Variants in SH3GL2 observed in about 807,000 individuals in gnomAD.
SH3GL2 encodes endophilin-A1.
Under a neutral mutation model 46.0 loss-of-function variants are expected in SH3GL2, and 24 were observed. The ratio of observed to expected loss-of-function variants is 0.52; its 90% CI spans 0.38 to 0.73. SH3GL2 has a LOEUF of 0.73. Among genes scored for constraint, SH3GL2 ranks in the 30% least tolerant of loss-of-function variants. The probability of loss-of-function intolerance (pLI) is 0.00; values close to 1 mark genes in which losing one functional copy is unlikely to be tolerated. For missense variants in SH3GL2, 413 were observed against 424.2 expected (o/e 0.97, Z 0.23); for synonymous variants, 196 against 147.1 (o/e 1.33, Z -2.40).
At chr9:17,711,258 A>G (rs991502710) in intron 1 of SH3GL2, among the ~76,000 whole-genome samples, 2 of 151,924 alleles carry the variant, frequency 1.3e-5, no homozygotes, top group East Asian at 1.9e-4. Context: ...AATATATGAC[A>G]TATTAATCTT....
chr9:17,768,370 C>T (rs374662984), intron 3 of SH3GL2, among the ~76,000 whole-genome samples: 1 of 67,224 alleles, frequency 1.5e-5, no homozygotes. Flanking sequence ...GACTCTGTCT[C>T]AAAAAAAAAA....
chr9:17,721,950 G>A (rs575998825), intron 1 of SH3GL2, among the ~76,000 whole-genome samples: 1 of 152,242 alleles, frequency 6.6e-6, no homozygotes, highest in African/African-American at 2.4e-5. Context: ...CAGTGGAGGT[G>A]TCCGCAGTGA....
chr9:17,642,016 A>C (rs1030039796), intron 1 of SH3GL2, among the ~76,000 whole-genome samples: 1 of 152,140 alleles, frequency 6.6e-6, no homozygotes, highest in East Asian at 1.9e-4. Context: ...GAATCACCAC[A>C]CTGTCTTGCC....
Position 17,787,494 on chromosome 9 carries a change from A to G in SH3GL2, c.446A>G (p.Lys149Arg). 9 of 1,613,040 alleles carry G rather than the reference A, an allele frequency of 5.6e-6. No individual in the cohort carries two copies. Among genetic ancestry groups the G allele is most frequent in the Middle Eastern group, 1.7e-4 (1 of 6,056 alleles). ...GACCCTCTTCAGAATCTTCATGACAAAGATCTTAGGGAAATTCAAGTATGT... is the reference window on the plus strand; with the variant it reads ...GACCCTCTTCAGAATCTTCATGACAGAGATCTTAGGGAAATTCAAGTATGT... Reference protein sequence around the residue: ...FIDPLQNLHDKDLREIQHHLK... With the variant: ...FIDPLQNLHDRDLREIQHHLK... Residue 149 changes from lysine to arginine, a missense_variant, in exon 5 of 9, where the codon AAA becomes AGA. Transcript: ENST00000380607.
chr9:17,709,185 G>A (rs1821554191), intron 1 of SH3GL2, among the ~76,000 whole-genome samples: 1 of 151,900 alleles, frequency 6.6e-6, no homozygotes, highest in Non-Finnish European at 1.5e-5. Flanking sequence ...TTGCTTATTT[G>A]GGGACCATGA....
At chr9:17,594,535 G>T (rs778608812) in intron 1 of SH3GL2, among the ~76,000 whole-genome samples, 2 of 152,042 alleles carry the variant, frequency 1.3e-5, no homozygotes, top group Non-Finnish European at 2.9e-5. Context: ...TGCATGTGGG[G>T]CTTAAAATCT....
intron 1 of SH3GL2, among the ~76,000 whole-genome samples, chr9:17,655,835 T>C (rs116564820): frequency 6.0e-4 from 92 of 152,320 alleles, no homozygotes; most frequent in African/African-American, 2.1e-3. Flanking sequence ...CATGCTTGCC[T>C]TCATCTGGAA....
At chr9:17,790,794 C>A (rs749912520) in intron 6 of SH3GL2, among the ~76,000 whole-genome samples, 1 of 152,112 alleles carries the variant, frequency 6.6e-6, no homozygotes, top group Non-Finnish European at 1.5e-5. Flanking sequence ...GTCGCCTCTC[C>A]GGGTACATTA....
intron 1 of SH3GL2, 130 bp from the exon 2 acceptor site, chr9:17,746,922 GCTATAAAAATGAGA>G (rs1332685771): frequency 5.3e-5 from 32 of 604,418 alleles, no homozygotes; most frequent in Non-Finnish European, 8.7e-5. Flanking sequence ...ACAGTTTGCT[GCTATAAAAATGAGA>G]CTCTCCACCT....
chr9:17,768,719 C>G (rs1052782381), intron 3 of SH3GL2, among the ~76,000 whole-genome samples: 3 of 152,164 alleles, frequency 2.0e-5, no homozygotes, highest in African/African-American at 7.2e-5. Flanking sequence ...TCTTCGACAA[C>G]TGTCTTCTCA....
At chr9:17,733,042 C>T (rs144359715) in intron 1 of SH3GL2, among the ~76,000 whole-genome samples, 8 of 152,218 alleles carry the variant, frequency 5.3e-5, no homozygotes, top group African/African-American at 1.4e-4. Context: ...CTTCCCCACT[C>T]TTCAGCACAA....
intron 1 of SH3GL2, among the ~76,000 whole-genome samples, chr9:17,634,263 A>G (rs1819495822): frequency 6.6e-6 from 1 of 152,200 alleles, no homozygotes; most frequent in Non-Finnish European, 1.5e-5. Flanking sequence ...TACATATGAT[A>G]CATCTTCTTG....
In SH3GL2 at chr9:17,731,405, G is replaced by A. The variant is rs555028018; in HGVS notation, c.46-15661G>A. ...AAGAGGAAGAGGAAAAGGGAGGGAGGTGGGGGGAGGTAGGGAAGAGAGAGA... is the reference window on the plus strand; with the variant it reads ...AAGAGGAAGAGGAAAAGGGAGGGAGATGGGGGGAGGTAGGGAAGAGAGAGA... On this transcript the variant is annotated intron_variant, in intron 1 of 8. Transcript: ENST00000380607. Among the ~76,000 whole-genome samples, 6 of 151,604 alleles carry A rather than the reference G, an allele frequency of 4.0e-5. No homozygotes were observed. The South Asian group carries it at 1.3e-3, about 32-fold the overall frequency.
At chr9:17,738,852 T>C (rs77982601) in intron 1 of SH3GL2, among the ~76,000 whole-genome samples, 3,930 of 152,008 alleles carry the variant, frequency 0.026, 171 homozygotes, top group African/African-American at 0.088. Context: ...ATTGATTGGA[T>C]GAGGCCCACC....
At position 17,637,864 on chromosome 9, in the gene SH3GL2, A is replaced by G. The variant is rs75281722; in HGVS notation, c.45+58577A>G. Among the ~76,000 whole-genome samples, 17 of 152,248 alleles carry G rather than the reference A, an allele frequency of 1.1e-4. No homozygotes were observed. The East Asian group carries it at 3.3e-3, about 29-fold the overall frequency. ...ATCCAGCTTACCTTTTGATCTTAAA[A>G]CACTGATTTCAGCCGGGCGCGGTGG... is the stretch of plus-strand genomic sequence containing the variant. On this transcript the variant is annotated intron_variant, in intron 1 of 8. Coordinates refer to ENST00000380607, the MANE Select transcript of SH3GL2 (RefSeq NM_003026.5).
chr9:17,763,185 T>A (rs568786139), intron 3 of SH3GL2, among the ~76,000 whole-genome samples: 2 of 152,292 alleles, frequency 1.3e-5, no homozygotes, highest in African/African-American at 4.8e-5. Context: ...GACTAAAAAT[T>A]CATTGTAACA....
At chr9:17,738,639 T>TAGAGAGAGAGAG (rs1245134748) in intron 1 of SH3GL2, among the ~76,000 whole-genome samples, 3 of 66,780 alleles carry the variant, frequency 4.5e-5, no homozygotes, top group African/African-American at 1.3e-4. Context: ...TATATATATA[T>TAGAGAGAGAGAG]ATAGAGAGAG....
chr9:17,663,800 C>T (rs1382877984), intron 1 of SH3GL2, among the ~76,000 whole-genome samples: 2 of 152,076 alleles, frequency 1.3e-5, no homozygotes, highest in East Asian at 3.8e-4. Context: ...TGCAATAAGC[C>T]ACAGGAAAAG....
intron 1 of SH3GL2, among the ~76,000 whole-genome samples, chr9:17,744,564 A>G (rs1162119862): frequency 1.3e-5 from 2 of 152,042 alleles, no homozygotes; most frequent in East Asian, 3.9e-4. Flanking sequence ...ACAGAGTCTT[A>G]CTACGTTGCC....
Sources: gnomAD v4.1 joint callset for allele counts (sites outside exome capture counted in the v4.1 genomes callset) on GRCh38, gnomAD v4.1.1 for gene constraint, MANE v1.5 for transcripts, NCBI Gene and HGNC (gene_info 2026-07-23, HGNC 2026-07-21) for gene names.